Variants in KIF16B observed in about 807,000 individuals in gnomAD.
The protein encoded by KIF16B is kinesin family member 16B, also known as kinesin-like protein KIF16B.
A neutral mutation model predicts 156.3 loss-of-function variants in KIF16B; 98 were observed. The ratio of observed to expected loss-of-function variants is 0.63; its 90% CI spans 0.53 to 0.74. The LOEUF is 0.74. Among genes scored for constraint, KIF16B ranks in the 30% least tolerant of loss-of-function variants. The pLI is 0.00. For synonymous variants in KIF16B, 564 were observed against 583.7 expected, an observed-to-expected ratio of 0.97 and a Z score of 0.49; for missense variants, 1,421 against 1,606.5, an observed-to-expected ratio of 0.88 and a Z score of 1.97.
intron 17 of KIF16B, among the ~76,000 whole-genome samples, chr20:16,388,105 C>T (rs560033144): frequency 1.3e-5 from 2 of 152,058 alleles, no homozygotes; most frequent in African/African-American, 2.4e-5. Flanking sequence ...AATAATGATA[C>T]CTGTTTCCTC....
intron 22 of KIF16B, chr20:16,368,498 G>A: frequency 1.0e-6 from 1 of 986,270 alleles, no homozygotes; most frequent in Non-Finnish European, 1.2e-6. Flanking sequence ...GGGGCACACA[G>A]ATTCCCCACA....
chr20:16,341,359 T>C (rs1403270620), intron 23 of KIF16B, among the ~76,000 whole-genome samples: 1 of 152,186 alleles, frequency 6.6e-6, no homozygotes, highest in East Asian at 1.9e-4. Flanking sequence ...TTCCTCTGAA[T>C]TGAGCTTAGT....
At chr20:16,284,107 C>G (rs1029628046) in intron 25 of KIF16B, among the ~76,000 whole-genome samples, 1 of 152,226 alleles carries the variant, frequency 6.6e-6, no homozygotes, top group Non-Finnish European at 1.5e-5. Flanking sequence ...GGCTCGCATG[C>G]TTGATCTGCC....
Position 16,374,411 on chromosome 20 carries a change from T to C in KIF16B, c.3198-2A>G, listed in dbSNP as rs1600233204. The C allele has an allele frequency of 8.4e-6, 13 of 1,548,856 alleles. No homozygotes were observed. Among genetic ancestry groups the C allele is most frequent in the Non-Finnish European group, 1.1e-5 (13 of 1,142,630 alleles). ...AGCTGCTGGATTTCATATTCTAACCTACACAGATAGGAGCCACATAATTCA... is the reference window on the plus strand; with the variant it reads ...AGCTGCTGGATTTCATATTCTAACCCACACAGATAGGAGCCACATAATTCA... On this transcript the variant is annotated splice_acceptor_variant, in intron 19 of 25. Transcript: ENST00000354981. LOFTEE classifies it high-confidence loss of function.
intron 25 of KIF16B, among the ~76,000 whole-genome samples, chr20:16,291,826 T>A (rs2122492800): frequency 6.6e-6 from 1 of 152,252 alleles, no homozygotes; most frequent in East Asian, 1.9e-4. Flanking sequence ...ACTATAAGGA[T>A]GAGGAAAGGT....
intron 12 of KIF16B, among the ~76,000 whole-genome samples, chr20:16,458,359 GGCAATT>G (rs1198970480): frequency 6.6e-6 from 1 of 152,062 alleles, no homozygotes; most frequent in Non-Finnish European, 1.5e-5. Flanking sequence ...TTGTCACCTA[GGCAATT>G]GCTCAGCCCA....
At chr20:16,539,809 G>A (rs1227300283) in intron 1 of KIF16B, among the ~76,000 whole-genome samples, 4 of 152,178 alleles carry the variant, frequency 2.6e-5, no homozygotes, top group Non-Finnish European at 5.9e-5. Context: ...AAGTTATTCA[G>A]CAATTCAAAT....
intron 25 of KIF16B, among the ~76,000 whole-genome samples, chr20:16,283,625 G>A (rs2063179641): frequency 6.6e-6 from 1 of 152,166 alleles, no homozygotes; most frequent in Non-Finnish European, 1.5e-5. Context: ...AGGTGGGTGT[G>A]ACCTGAGGGC....
chr20:16,428,808 T>A lies in KIF16B; in HGVS notation c.1474+145A>T, dbSNP rs112507357. 1,821 of 635,156 alleles carry A rather than the reference T, an allele frequency of 2.9e-3. 35 individuals carry two copies. The African/African-American group carries it at 0.03, about 11-fold the overall frequency. The allele number at this position is 635,156 out of a possible 1,614,324, so 39.3% of individuals were successfully genotyped here. ...TTACAAAAATATATATACACACATA[T>A]ATATACGTACATACTGACCAACACT... is the stretch of plus-strand genomic sequence containing the variant. On this transcript the variant is annotated intron_variant, in intron 14 of 25. Coordinates refer to ENST00000354981, the MANE Select transcript of KIF16B (RefSeq NM_024704.5).
At chr20:16,280,867 T>TGTGTGTGTGTGTGTGTGTGTGCGC (rs758721339) in intron 25 of KIF16B, among the ~76,000 whole-genome samples, 13 of 150,898 alleles carry the variant, frequency 8.6e-5, no homozygotes, top group African/African-American at 3.2e-4. Context: ...TGTGTGTGTG[T>TGTGTGTGTGTGTGTGTGTGTGCGC]GCGCAGAAAA....
chr20:16,373,456 C>G (rs2064871701), intron 20 of KIF16B, among the ~76,000 whole-genome samples: 1 of 152,150 alleles, frequency 6.6e-6, no homozygotes. Context: ...AATAATTAAG[C>G]TGATTTTTCT....
At position 16,411,088 on chromosome 20, in the gene KIF16B, A is replaced by G. The variant is rs192525884; in HGVS notation, c.1613-4632T>C. On this transcript the variant is annotated intron_variant, in intron 15 of 25. Transcript: ENST00000354981. ...GTAAGCAGATACTTTATCACCACAA[A>G]TCTTTAAAATGTAATGCTGTGTCTG... 1.8e-4 allele frequency among the ~76,000 whole-genome samples: 27 copies of G among 152,146 alleles called. No individual in the cohort carries two copies. In the East Asian group the frequency reaches 4.8e-3, roughly 27 times the overall value.
chr20:16,487,208 C>G (rs62199773), intron 12 of KIF16B, among the ~76,000 whole-genome samples: 1 of 151,648 alleles, frequency 6.6e-6, no homozygotes, highest in Non-Finnish European at 1.5e-5. Flanking sequence ...GCCAAGATCG[C>G]GCCACTGCAC....
intron 12 of KIF16B, among the ~76,000 whole-genome samples, chr20:16,454,956 T>G (rs1250592182): frequency 6.6e-6 from 1 of 152,212 alleles, no homozygotes. Flanking sequence ...GGACATCTTA[T>G]TCTGGCAGAA....
At chr20:16,409,970 CATATATATATATATATAT>C (rs138849281) in intron 15 of KIF16B, among the ~76,000 whole-genome samples, 1 of 42,698 alleles carries the variant, frequency 2.3e-5, no homozygotes, top group Admixed American at 2.9e-4. Flanking sequence ...TATATATATA[CATATATATATATATATAT>C]ATATGTAGGT....
At chr20:16,486,799 T>C (rs1007910021) in intron 12 of KIF16B, among the ~76,000 whole-genome samples, 20 of 152,264 alleles carry the variant, frequency 1.3e-4, no homozygotes, top group African/African-American at 4.8e-4. Context: ...GTCAGAAGCA[T>C]CAAATGCCCA....
chr20:16,437,453 G>C (rs553535168), intron 12 of KIF16B, among the ~76,000 whole-genome samples: 1 of 152,208 alleles, frequency 6.6e-6, no homozygotes, highest in Admixed American at 6.5e-5. Flanking sequence ...TTCATCAGAT[G>C]AATCTGGCAG....
chr20:16,312,625 T>A (rs1285321619), intron 24 of KIF16B, among the ~76,000 whole-genome samples: 1 of 152,156 alleles, frequency 6.6e-6, no homozygotes, highest in African/African-American at 2.4e-5. Flanking sequence ...AGTGGTCAAA[T>A]GAGAAGACAG....
intron 2 of KIF16B, among the ~76,000 whole-genome samples, chr20:16,526,634 T>G (rs1476437869): frequency 2.5e-4 from 38 of 152,208 alleles, no homozygotes. Context: ...GTCTCCTCTT[T>G]CATGACACTT....
Sources: allele counts gnomAD v4.1 joint callset (sites outside exome capture counted in the v4.1 genomes callset), GRCh38; gene constraint gnomAD v4.1.1; transcripts MANE v1.5; gene names NCBI Gene and HGNC (gene_info 2026-07-23, HGNC 2026-07-21).